The following PCDHA13 variants were observed in gnomAD, a reference collection of about 807,000 sequenced individuals.
The protein encoded by PCDHA13 is protocadherin alpha 13, also known as protocadherin alpha-13.
PCDHA13 carries 54 observed loss-of-function variants against 64.8 expected under a neutral mutation model. The ratio of observed to expected loss-of-function variants is 0.83; its 90% CI spans 0.67 to 1.04. The LOEUF (loss-of-function observed/expected upper bound fraction) is 1.04, where lower values mean the gene tolerates loss of function less well. Among genes scored for constraint, PCDHA13 ranks in the 50% least tolerant of loss-of-function variants. PCDHA13 has a pLI of 0.00. For missense variants in PCDHA13, 1,248 were observed against 1,254.3 expected (o/e 0.99, Z 0.08); for synonymous variants, 587 against 564.4 (o/e 1.04, Z -0.57).
intron 1 of PCDHA13, among the ~76,000 whole-genome samples, chr5:140,912,549 A>G (rs2075971399): frequency 6.6e-6 from 1 of 152,152 alleles, no homozygotes; most frequent in East Asian, 1.9e-4. Context: ...TTGTCAGCAA[A>G]CAGCAACAGT....
Position 140,883,460 on chromosome 5 carries a change from G to C in PCDHA13, c.1192G>C (p.Val398Leu), listed in dbSNP as rs1554178305. 4 of 1,614,138 alleles carry C rather than the reference G, an allele frequency of 2.5e-6. No individual in the cohort carries two copies. The African/African-American group carries it at 5.3e-5, about 22-fold the overall frequency. Residue 398 changes from valine (V) to leucine (L), a missense_variant, in exon 1 of 4, where the codon GTG (valine) becomes CTG (leucine). Physicochemically the swap from Val to Leu is conservative, Grantham distance 32. Transcript: ENST00000289272. ...TLTPHVPFKL[V>L]STYKNYYSLV... is the part of the protein sequence containing the mutation. Reference sequence around the variant, plus strand: ...GACGCCGCATGTCCCCTTCAAGCTGGTGTCCACCTACAAGAACTACTACTC... The same window carrying C: ...GACGCCGCATGTCCCCTTCAAGCTGCTGTCCACCTACAAGAACTACTACTC...
At chr5:140,893,182 AT>A (rs782024176) in intron 1 of PCDHA13, among the ~76,000 whole-genome samples, 5 of 152,238 alleles carry the variant, frequency 3.3e-5, no homozygotes, top group Non-Finnish European at 5.9e-5. Context: ...CATAGTAGCT[AT>A]TGTGAATAGT....
intron 1 of PCDHA13, among the ~76,000 whole-genome samples, chr5:140,959,188 G>A (rs782018838): frequency 6.6e-6 from 1 of 151,982 alleles, no homozygotes; most frequent in Non-Finnish European, 1.5e-5. Context: ...ACCAGTCTGG[G>A]CAACATGGTG....
At chr5:140,984,905 C>G (rs1214020745) in intron 3 of PCDHA13, among the ~76,000 whole-genome samples, 1 of 152,004 alleles carries the variant, frequency 6.6e-6, no homozygotes, top group African/African-American at 2.4e-5. Context: ...AAAAAAAGAA[C>G]TGAGCATAGT....
In PCDHA13 at chr5:140,945,865, A is replaced by T. The variant is rs184952981; in HGVS notation, c.2395-33084A>T. ...ATTAAAGACTTAAACATAGACCTGAAATTGTAAAACTAACAAAGAAAACAC... is the reference window on the plus strand; with the variant it reads ...ATTAAAGACTTAAACATAGACCTGATATTGTAAAACTAACAAAGAAAACAC... On this transcript the variant is annotated intron_variant, in intron 1 of 3. Coordinates refer to ENST00000289272, the MANE Select transcript of PCDHA13 (RefSeq NM_018904.3). Among the ~76,000 whole-genome samples, 23 of 152,290 alleles carry T rather than the reference A, an allele frequency of 1.5e-4. No individual in the cohort carries two copies. The East Asian group carries it at 4.2e-3, about 28-fold the overall frequency.
intron 3 of PCDHA13, among the ~76,000 whole-genome samples, chr5:140,995,674 AT>A (rs1240189428): frequency 1.3e-5 from 2 of 151,994 alleles, no homozygotes; most frequent in Non-Finnish European, 2.9e-5. Flanking sequence ...TAAATGCAGC[AT>A]TTTTTTTAAT....
rs782163702 is a variant in PCDHA13, at chr5:140,979,042, C to G, written c.2453+35C>G. 3.1e-6 allele frequency: 5 copies of G among 1,612,562 alleles called. No individual in the cohort carries two copies. The South Asian group carries it at 4.4e-5, about 14-fold the overall frequency. Reference sequence around the variant, plus strand: ...TCCCTCCTCATTCACTCAGAAGTAACCTTAACTTGGTATGGCTCAGATAAA... The same window carrying G: ...TCCCTCCTCATTCACTCAGAAGTAAGCTTAACTTGGTATGGCTCAGATAAA... On this transcript the variant is annotated intron_variant, in intron 2 of 3. Coordinates refer to ENST00000289272, the MANE Select transcript of PCDHA13 (RefSeq NM_018904.3).
At chr5:140,992,517 G>C (rs78765218) in intron 3 of PCDHA13, among the ~76,000 whole-genome samples, 388 of 152,300 alleles carry the variant, frequency 2.5e-3, no homozygotes, top group African/African-American at 8.8e-3. Flanking sequence ...GGGCATGGTA[G>C]CTAATGGAAA....
intron 1 of PCDHA13, among the ~76,000 whole-genome samples, chr5:140,891,039 A>AC (rs143686625): frequency 6.6e-6 from 1 of 152,040 alleles, no homozygotes; most frequent in East Asian, 1.9e-4. Flanking sequence ...CTTAGGTGTG[A>AC]CCCCCACAGC....
In PCDHA13 at chr5:141,010,365, A is replaced by G; in HGVS notation, c.*428A>G. 6.8e-7 allele frequency: 1 copy of G among 1,480,028 alleles called. No individual in the cohort carries two copies. The highest frequency in any genetic ancestry group is 1.3e-5 in the South Asian group (1 of 75,134). The allele number at this position is 1,480,028 out of a possible 1,614,324, so 91.7% of individuals were successfully genotyped here. On this transcript the variant is annotated 3_prime_UTR_variant, in exon 4 of 4. Coordinates refer to ENST00000289272, the MANE Select transcript of PCDHA13 (RefSeq NM_018904.3). Reference sequence around the variant, plus strand: ...CTGGGTATGTGTGGCTACCGCGGGTATGCGAGTGCCAGATATTGGCTGAGA... The same window carrying G: ...CTGGGTATGTGTGGCTACCGCGGGTGTGCGAGTGCCAGATATTGGCTGAGA...
chr5:140,954,411 G>A (rs246022), intron 1 of PCDHA13, among the ~76,000 whole-genome samples: 85,294 of 151,642 alleles, frequency 0.56, 24,563 homozygotes, highest in African/African-American at 0.69. Flanking sequence ...ACAGGGTAAA[G>A]GTGTTCCTTT....
intron 1 of PCDHA13, among the ~76,000 whole-genome samples, chr5:140,890,240 A>C (rs1554184230): frequency 6.6e-6 from 1 of 152,138 alleles, no homozygotes; most frequent in African/African-American, 2.4e-5. Flanking sequence ...AGCATTTACC[A>C]GTACACTACT....
chr5:140,915,488 C>T (rs2077146969), intron 1 of PCDHA13, among the ~76,000 whole-genome samples: 1 of 152,126 alleles, frequency 6.6e-6, no homozygotes, highest in Non-Finnish European at 1.5e-5. Flanking sequence ...GGGCCTCAAT[C>T]CCAATAATAC....
rs375705333 is a variant in PCDHA13 at position 140,927,955 on chromosome 5, C to T, written c.2394+43293C>T. On this transcript the variant is annotated intron_variant, in intron 1 of 3. Coordinates refer to ENST00000289272, the MANE Select transcript of PCDHA13 (RefSeq NM_018904.3). ...GAACCCAGTACCTGAGGACGCTGCC[C>T]CTGGCACAGTGATTGCTCTCTTTAG... 34 of 1,614,198 alleles carry T rather than the reference C, an allele frequency of 2.1e-5. 1 individual carries two copies. In the Middle Eastern group the frequency reaches 9.9e-4, roughly 47 times the overall value.
chr5:140,992,017 C>CTGTGTGTGTGTG (rs10602499), intron 3 of PCDHA13, among the ~76,000 whole-genome samples: 10 of 145,628 alleles, frequency 6.9e-5, no homozygotes, highest in African/African-American at 2.3e-4. Flanking sequence ...AGAGGTGGCT[C>CTGTGTGTGTGTG]TGTGTGTGTG....
Position 140,981,745 on chromosome 5 carries a change from T to C in PCDHA13, c.2454-730T>C, listed in dbSNP as rs145941614. On this transcript the variant is annotated intron_variant, in intron 2 of 3. Coordinates refer to ENST00000289272, the MANE Select transcript of PCDHA13 (RefSeq NM_018904.3). ...CAAATATTTGAGAGATTAATATGAG[T>C]TAGTATTAGACATACATAAATGAAT... Among the ~76,000 whole-genome samples the C allele has an allele frequency of 1.1e-3, 160 of 152,294 alleles. 1 individual carries two copies. The East Asian group carries it at 0.027, about 25-fold the overall frequency.
At chr5:140,950,976 A>G (rs543425095) in intron 1 of PCDHA13, among the ~76,000 whole-genome samples, 188 of 151,348 alleles carry the variant, frequency 1.2e-3, no homozygotes, top group African/African-American at 4.3e-3. Flanking sequence ...AGATTCATTG[A>G]CTTTTGCCTC....
intron 3 of PCDHA13, among the ~76,000 whole-genome samples, chr5:141,007,393 TAC>T (rs2098323171): frequency 8.5e-5 from 2 of 23,408 alleles, no homozygotes; most frequent in East Asian, 1.4e-3. Flanking sequence ...TCTACTAAAA[TAC>T]AAAAAAAAAA....
chr5:140,973,015 A>T (rs1554234824), intron 1 of PCDHA13, among the ~76,000 whole-genome samples: 1 of 152,000 alleles, frequency 6.6e-6, no homozygotes, highest in African/African-American at 2.4e-5. Context: ...TGGTGTTGTG[A>T]TTGTTAATGA....
Sources: allele counts gnomAD v4.1 joint callset (sites outside exome capture counted in the v4.1 genomes callset), GRCh38; gene constraint gnomAD v4.1.1; transcripts MANE v1.5; gene names NCBI Gene and HGNC (gene_info 2026-07-23, HGNC 2026-07-21).